The following LRRC4C variants were observed in gnomAD, a reference collection of about 807,000 sequenced individuals.
LRRC4C encodes the protein leucine-rich repeat-containing protein 4C.
LRRC4C carries 5 observed loss-of-function variants against 33.6 expected under a neutral mutation model. That is an observed-to-expected ratio of 0.15 (90% CI 0.08 to 0.31). The LOEUF (loss-of-function observed/expected upper bound fraction) is 0.31, where lower values mean the gene tolerates loss of function less well. Among genes scored for constraint, LRRC4C ranks in the 10% least tolerant of loss-of-function variants. LRRC4C has a pLI of 1.00. For missense variants in LRRC4C, 560 were observed against 796.7 expected, an observed-to-expected ratio of 0.70 and a Z score of 3.58; for synonymous variants, 329 against 302.0, an observed-to-expected ratio of 1.09 and a Z score of -0.93.
intron 2 of LRRC4C, among the ~76,000 whole-genome samples, chr11:40,889,365 G>A (rs1410710443): frequency 6.6e-6 from 1 of 151,948 alleles, no homozygotes; most frequent in Non-Finnish European, 1.5e-5. Context: ...GTTTATATCT[G>A]CATGCAAATA....
intron 1 of LRRC4C, among the ~76,000 whole-genome samples, chr11:40,978,883 C>T (rs1248266285): frequency 4.6e-5 from 7 of 152,054 alleles, no homozygotes; most frequent in African/African-American, 1.2e-4. Context: ...CCGCCCACCT[C>T]GGCCTCCCAA....
At position 41,002,871 on chromosome 11, in the gene LRRC4C, T is replaced by C. The variant is rs539381944; in HGVS notation, c.-495-69148A>G. ...GCATACGCCTTTGATGGTTATACCT[T>C]TTAAAATATGCATAGAAAAACAAAT... On this transcript the variant is annotated intron_variant, in intron 1 of 6. Transcript: ENST00000528697. 4.8e-4 allele frequency among the ~76,000 whole-genome samples: 73 copies of C among 152,280 alleles called. 3 individuals carry two copies. The South Asian group carries it at 0.014, about 30-fold the overall frequency.
chr11:40,745,977 T>A (rs1229446195), intron 2 of LRRC4C, among the ~76,000 whole-genome samples: 1 of 152,084 alleles, frequency 6.6e-6, no homozygotes, highest in Non-Finnish European at 1.5e-5. Context: ...AGAAACAAAC[T>A]CACTAGTAGG....
At position 41,389,929 on chromosome 11, in the gene LRRC4C, T is replaced by C. The variant is rs1444215091; in HGVS notation, c.-496+69502A>G. On this transcript the variant is annotated intron_variant, in intron 1 of 6. Transcript: ENST00000528697. ...ACATACTTAAGAAACTATAATATGC[T>C]GTATTATGTTAATGAGAGAAACATG... is the stretch of plus-strand genomic sequence containing the variant. Among the ~76,000 whole-genome samples, 4 of 151,994 alleles carry C rather than the reference T, an allele frequency of 2.6e-5. No homozygotes were observed. The East Asian group carries it at 7.8e-4, about 30-fold the overall frequency.
At chr11:41,377,512 C>A (rs188624593) in intron 1 of LRRC4C, among the ~76,000 whole-genome samples, 20 of 152,184 alleles carry the variant, frequency 1.3e-4, no homozygotes, top group Admixed American at 2.0e-4. Flanking sequence ...CAACGATAAC[C>A]GATAGATATT....
intron 3 of LRRC4C, among the ~76,000 whole-genome samples, chr11:40,495,512 C>T (rs542001860): frequency 3.9e-5 from 6 of 152,136 alleles, no homozygotes; most frequent in African/African-American, 1.4e-4. Flanking sequence ...TAGAAAGTTC[C>T]CCAAGTTGAG....
At chr11:40,590,172 T>G (rs1041282042) in intron 3 of LRRC4C, among the ~76,000 whole-genome samples, 2 of 151,844 alleles carry the variant, frequency 1.3e-5, no homozygotes, top group African/African-American at 4.8e-5. Flanking sequence ...AGGCTTTGCT[T>G]GTTTCTTTTT....
At chr11:40,202,282 T>C (rs2135738108) in intron 5 of LRRC4C, among the ~76,000 whole-genome samples, 1 of 144,592 alleles carries the variant, frequency 6.9e-6, no homozygotes, top group Non-Finnish European at 1.5e-5. Context: ...CTGTCCAAAG[T>C]AGGCAGGTTT....
intron 1 of LRRC4C, among the ~76,000 whole-genome samples, chr11:41,219,569 G>C (rs577625468): frequency 1.4e-4 from 21 of 152,254 alleles, no homozygotes; most frequent in African/African-American, 5.1e-4. Flanking sequence ...ATTTTCTATC[G>C]CCTGAAGGAA....
At chr11:40,246,740 A>C in intron 4 of LRRC4C, among the ~76,000 whole-genome samples, 1 of 152,260 alleles carries the variant, frequency 6.6e-6, no homozygotes, top group Non-Finnish European at 1.5e-5. Flanking sequence ...TTAGATTATA[A>C]AAGTAGGTAG....
In LRRC4C at chr11:41,176,338, C is replaced by T. The variant is rs372682245; in HGVS notation, c.-495-242615G>A. Among the ~76,000 whole-genome samples the T allele has an allele frequency of 1.2e-4, 18 of 152,270 alleles. 1 individual carries two copies. The East Asian group carries it at 3.5e-3, about 29-fold the overall frequency. On this transcript the variant is annotated intron_variant, in intron 1 of 6. Transcript: ENST00000528697. The stretch of plus-strand genomic sequence containing the variant: ...ATAAGAAGATAAGAAGGAGAACCAT[C>T]TAAAGACAATAATCTTTAAAATTTA...
intron 3 of LRRC4C, among the ~76,000 whole-genome samples, chr11:40,469,575 G>A (rs1952824423): frequency 6.6e-6 from 1 of 152,148 alleles, no homozygotes. Context: ...AGGGAGCCAA[G>A]TGGTCTAGCT....
At chr11:41,034,376 C>A (rs1856905668) in intron 1 of LRRC4C, among the ~76,000 whole-genome samples, 1 of 149,246 alleles carries the variant, frequency 6.7e-6, no homozygotes, top group African/African-American at 2.5e-5. Flanking sequence ...TATAAATTAC[C>A]CACTGCTATT....
intron 3 of LRRC4C, among the ~76,000 whole-genome samples, chr11:40,473,352 C>A (rs932373678): frequency 2.6e-5 from 4 of 152,006 alleles, no homozygotes; most frequent in African/African-American, 4.8e-5. Flanking sequence ...TGACAAAAAC[C>A]ACATGATTAT....
intron 1 of LRRC4C, among the ~76,000 whole-genome samples, chr11:40,952,919 CTCTCTT>C (rs1478351649): frequency 1.7e-3 from 254 of 148,672 alleles, no homozygotes; most frequent in African/African-American, 5.8e-3. Context: ...CTCTCTCTCT[CTCTCTT>C]TCTCTCTTTT....
At chr11:40,393,124 G>A (rs945024241) in intron 3 of LRRC4C, among the ~76,000 whole-genome samples, 3 of 152,048 alleles carry the variant, frequency 2.0e-5, no homozygotes, top group Admixed American at 6.6e-5. Flanking sequence ...TAAAGACAAC[G>A]TGTAATCCAG....
intron 1 of LRRC4C, among the ~76,000 whole-genome samples, chr11:41,057,122 C>T (rs1467742289): frequency 1.3e-5 from 2 of 152,196 alleles, no homozygotes; most frequent in Non-Finnish European, 2.9e-5. Context: ...GGCCCAGAAA[C>T]GCCGCCCCCC....
chr11:40,651,956 T>C (rs1565600793), intron 2 of LRRC4C, among the ~76,000 whole-genome samples: 1 of 152,254 alleles, frequency 6.6e-6, no homozygotes, highest in Non-Finnish European at 1.5e-5. Flanking sequence ...TGTCTGTTCA[T>C]TTTGTATCTG....
chr11:40,189,501 T>C (rs964985918), intron 5 of LRRC4C, among the ~76,000 whole-genome samples: 4 of 152,154 alleles, frequency 2.6e-5, no homozygotes, highest in African/African-American at 9.7e-5. Flanking sequence ...AAAAGCAGCA[T>C]CATGATCCCT....
Sources: gnomAD v4.1 joint callset for allele counts (sites outside exome capture counted in the v4.1 genomes callset) on GRCh38, gnomAD v4.1.1 for gene constraint, MANE v1.5 for transcripts, NCBI Gene and HGNC (gene_info 2026-07-23, HGNC 2026-07-21) for gene names.